MYO9A: variants seen among roughly 807,000 people sequenced by gnomAD.
The protein encoded by MYO9A is unconventional myosin-IXa.
MYO9A carries 103 observed loss-of-function variants against 293.3 expected under a neutral mutation model. The ratio of observed to expected loss-of-function variants is 0.35; its 90% CI spans 0.30 to 0.41. MYO9A has a LOEUF of 0.41. MYO9A is among the 10% of genes least tolerant of loss of function. MYO9A has a pLI of 1.00. For missense variants in MYO9A, 2,685 were observed against 3,033.0 expected (o/e 0.89, Z 2.69); for synonymous variants, 1,001 against 1,035.7 (o/e 0.97, Z 0.64).
At position 72,036,852 on chromosome 15, in the gene MYO9A, A is replaced by G. The variant is rs1467324005; in HGVS notation, c.841-4264T>C. ...CACCTCAGCTTCCTGAGTAGCTGGG[A>G]CTACACACAGCCATGCACCACCACA... On this transcript the variant is annotated intron_variant, in intron 2 of 41. Transcript: ENST00000356056. Among the ~76,000 whole-genome samples the G allele has an allele frequency of 2.6e-5, 4 of 152,036 alleles. No individual in the cohort carries two copies. In the East Asian group the frequency reaches 7.7e-4, roughly 29 times the overall value.
intron 26 of MYO9A, among the ~76,000 whole-genome samples, chr15:71,889,004 G>T (rs2057100872): frequency 6.6e-6 from 1 of 152,198 alleles, no homozygotes; most frequent in South Asian, 2.1e-4. Flanking sequence ...AGGGAAGTAT[G>T]TTCTACACTT....
intron 1 of MYO9A, among the ~76,000 whole-genome samples, chr15:72,085,851 T>C (rs1482857439): frequency 6.6e-6 from 1 of 152,208 alleles, no homozygotes; most frequent in Non-Finnish European, 1.5e-5. Context: ...GATTGTGGTA[T>C]ATAAGGTGGG....
At chr15:71,972,239 C>A (rs1209610450) in intron 12 of MYO9A, 1 of 152,184 alleles carries the variant, frequency 6.6e-6, no homozygotes, top group Admixed American at 6.5e-5. Context: ...ATGGGTGCTC[C>A]TGGAAGGTAG....
At chr15:71,930,544 G>A (rs1247566979) in intron 18 of MYO9A, among the ~76,000 whole-genome samples, 1 of 151,930 alleles carries the variant, frequency 6.6e-6, no homozygotes, top group African/African-American at 2.4e-5. Flanking sequence ...TCATTTGCGT[G>A]GGATACTTTT....
intron 9 of MYO9A, among the ~76,000 whole-genome samples, chr15:71,995,804 G>A (rs1015713742): frequency 6.6e-6 from 1 of 151,906 alleles, no homozygotes; most frequent in Non-Finnish European, 1.5e-5. Flanking sequence ...TCATGACTAA[G>A]TTACTTAACC....
In MYO9A at chr15:71,968,141, AAG is replaced by A; in HGVS notation, c.1845-18_1845-17del. On this transcript the variant is annotated splice_polypyrimidine_tract_variant and intron_variant, in intron 12 of 41. Transcript: ENST00000356056. Reference sequence around the variant, plus strand: ...CTGTGGAAAGCTGAATTAAAAAAAAAAGAAAAAATATCATTACAGAAAGATGA... The same window carrying A: ...CTGTGGAAAGCTGAATTAAAAAAAAAAAAAAATATCATTACAGAAAGATGA... 6.5e-7 allele frequency: 1 copy of A among 1,548,958 alleles called. No individual in the cohort carries two copies.
chr15:72,106,747 T>C (rs2080583842), intron 1 of MYO9A, among the ~76,000 whole-genome samples: 1 of 152,154 alleles, frequency 6.6e-6, no homozygotes, highest in African/African-American at 2.4e-5. Context: ...ATTACAGGCG[T>C]GAGCCATAGC....
Position 71,826,567 on chromosome 15 carries a change from C to T in MYO9A, c.*13G>A. 1 of 1,563,770 alleles carries T rather than the reference C, an allele frequency of 6.4e-7. No individual in the cohort carries two copies. ...ACCACTCTGTAGCCACGGAGGGACA[C>T]ACATCTGCCGGTTCAGACCATAAAT... On this transcript the variant is annotated 3_prime_UTR_variant, in exon 42 of 42. Coordinates refer to ENST00000356056, the MANE Select transcript of MYO9A (RefSeq NM_006901.4).
At chr15:71,895,598 G>A (rs2057299699) in intron 25 of MYO9A, among the ~76,000 whole-genome samples, 2 of 152,078 alleles carry the variant, frequency 1.3e-5, no homozygotes, top group Non-Finnish European at 2.9e-5. Context: ...TAATTCAGAA[G>A]CACCAGCATT....
intron 26 of MYO9A, chr15:71,891,548 C>T (rs1169161272): frequency 1.3e-5 from 2 of 152,218 alleles, no homozygotes; most frequent in Admixed American, 6.5e-5. Context: ...TCAGATAACA[C>T]AGTATATTTC....
chr15:71,936,592 A>G (rs997952708), intron 16 of MYO9A, among the ~76,000 whole-genome samples: 1 of 152,158 alleles, frequency 6.6e-6, no homozygotes, highest in Admixed American at 6.5e-5. Flanking sequence ...ATCACACTGT[A>G]CCTGATAATA....
At chr15:71,937,968 A>G (rs1432688592) in intron 16 of MYO9A, among the ~76,000 whole-genome samples, 1 of 152,170 alleles carries the variant, frequency 6.6e-6, no homozygotes, top group Non-Finnish European at 1.5e-5. Flanking sequence ...TACTGTTAAG[A>G]AAACAAAGGA....
chr15:72,058,464 T>A (rs1410209438), intron 1 of MYO9A, among the ~76,000 whole-genome samples: 2 of 151,960 alleles, frequency 1.3e-5, no homozygotes, highest in South Asian at 4.2e-4. Flanking sequence ...CAAAAAAAAC[T>A]ATGAAAATAT....
intron 32 of MYO9A, among the ~76,000 whole-genome samples, chr15:71,867,168 G>A (rs1453763445): frequency 1.3e-5 from 2 of 151,608 alleles, no homozygotes; most frequent in Non-Finnish European, 2.9e-5. Context: ...GAGTAAAGAC[G>A]GACTTTAAAA....
intron 6 of MYO9A, among the ~76,000 whole-genome samples, chr15:72,015,692 T>G (rs986120047): frequency 1.6e-4 from 23 of 148,254 alleles, no homozygotes; most frequent in African/African-American, 5.8e-4. Flanking sequence ...GGTTTTTTTT[T>G]TTTTTTTTTT....
Position 71,825,575 on chromosome 15 carries a change from T to A in MYO9A, c.*1005A>T, listed in dbSNP as rs1402831713. The A allele has an allele frequency of 6.6e-6, 1 of 152,218 alleles. No homozygotes were observed. The highest frequency in any genetic ancestry group is 2.4e-5 in the African/African-American group (1 of 41,460). 9.4% of individuals were successfully genotyped at this position (152,218 alleles called of 1,614,324 possible). ...TCATGCAATATTGTATGTGAATGTTTTTGGAAACTAACTAAACGGTCACAT... is the reference window on the plus strand; with the variant it reads ...TCATGCAATATTGTATGTGAATGTTATTGGAAACTAACTAAACGGTCACAT... On this transcript the variant is annotated 3_prime_UTR_variant, in exon 42 of 42. Coordinates refer to ENST00000356056, the MANE Select transcript of MYO9A (RefSeq NM_006901.4).
intron 15 of MYO9A, among the ~76,000 whole-genome samples, chr15:71,939,838 T>C (rs1425654134): frequency 2.6e-5 from 4 of 152,180 alleles, no homozygotes. Flanking sequence ...GTATCTCTAC[T>C]CAAGATGACA....
rs138472174 is a variant in MYO9A at position 71,853,450 on chromosome 15, G to A, written c.6346+927C>T. Among the ~76,000 whole-genome samples, 698 of 152,270 alleles carry A rather than the reference G, an allele frequency of 4.6e-3. 9 individuals are homozygous for A. Among genetic ancestry groups the A allele is most frequent in the African/African-American group, 0.016 (668 of 41,558 alleles). ...TGATTTTCACTTGTGCTATTTCAAG[G>A]TATCAGAGACAAAGTCAGTAACTGC... On this transcript the variant is annotated intron_variant, in intron 35 of 41. Coordinates refer to ENST00000356056, the MANE Select transcript of MYO9A (RefSeq NM_006901.4).
chr15:72,045,580 G>A, intron 2 of MYO9A, 144 bp downstream of exon 2: 1 of 983,206 alleles, frequency 1.0e-6, no homozygotes, highest in Non-Finnish European at 1.4e-6. Context: ...ATGAGTTTTT[G>A]GAGCTGGGAG....
Sources: allele counts gnomAD v4.1 joint callset (sites outside exome capture counted in the v4.1 genomes callset), GRCh38; gene constraint gnomAD v4.1.1; transcripts MANE v1.5; gene names NCBI Gene and HGNC (gene_info 2026-07-23, HGNC 2026-07-21).